The following NDFIP1 variants were observed in gnomAD, a reference collection of about 807,000 sequenced individuals.
NDFIP1 encodes NEDD4 family-interacting protein 1.
A neutral mutation model predicts 28.8 loss-of-function variants in NDFIP1; 7 were observed. The ratio of observed to expected loss-of-function variants is 0.24; its 90% CI spans 0.14 to 0.46. NDFIP1 has a LOEUF of 0.46. Among genes scored for constraint, NDFIP1 ranks in the 20% least tolerant of loss-of-function variants. The pLI is 0.99. For missense variants in NDFIP1, 194 were observed against 269.1 expected (o/e 0.72, Z 1.95); for synonymous variants, 92 against 101.0 (o/e 0.91, Z 0.53).
Position 142,135,730 on chromosome 5 carries a change from G to T in NDFIP1, c.283G>T (p.Asp95Tyr), listed in dbSNP as rs372933565. Residue 95 changes from aspartate to tyrosine, a missense_variant and splice_region_variant, in exon 4 of 8, where the codon GAT (aspartate) becomes TAT (tyrosine). Asp to Tyr is a radical substitution (Grantham distance 160). Coordinates refer to ENST00000253814, the MANE Select transcript of NDFIP1 (RefSeq NM_030571.4). ...AATAATTCTTTTTCTTTTCATTTAG[G>T]ATGAGGATTTTGTGGGTCGGGATGA... ...EATIPLVPGR[D>Y]EDFVGRDDFD... 6.2e-7 allele frequency: 1 copy of T among 1,612,374 alleles called. No homozygotes were observed. Among genetic ancestry groups the T allele is most frequent in the South Asian group, 1.1e-5 (1 of 90,962 alleles).
rs1419759512 is a variant in NDFIP1, at chr5:142,152,636, T to A, written c.*908T>A. ...ATGATCCCTAACATACTGTACTACT[T>A]GCTTTTACAATGTGTTAGCAGAAAC... On this transcript the variant is annotated 3_prime_UTR_variant, in exon 8 of 8. Coordinates refer to ENST00000253814, the MANE Select transcript of NDFIP1 (RefSeq NM_030571.4). 6.5e-6 allele frequency: 1 copy of A among 153,908 alleles called. No homozygotes were observed. Among genetic ancestry groups the A allele is most frequent in the Non-Finnish European group, 1.5e-5 (1 of 68,960 alleles). 9.5% of individuals were successfully genotyped at this position (153,908 alleles called of 1,614,324 possible).
intron 1 of NDFIP1, among the ~76,000 whole-genome samples, chr5:142,120,036 A>C (rs753594541): frequency 4.6e-5 from 7 of 152,268 alleles, no homozygotes; most frequent in Non-Finnish European, 1.0e-4. Context: ...GCTCACTGCA[A>C]TCTCTGCCTC....
intron 1 of NDFIP1, among the ~76,000 whole-genome samples, chr5:142,111,452 G>A (rs1008448894): frequency 1.3e-4 from 20 of 151,838 alleles, no homozygotes; most frequent in Non-Finnish European, 2.8e-4. Context: ...GTCTTCAACC[G>A]TTTCCTTAGC....
chr5:142,128,360 G>A (rs1453324548), intron 1 of NDFIP1, among the ~76,000 whole-genome samples: 1 of 152,140 alleles, frequency 6.6e-6, no homozygotes, highest in Non-Finnish European at 1.5e-5. Flanking sequence ...TCCCAGGGGT[G>A]GAAAAGGGGA....
intron 7 of NDFIP1, among the ~76,000 whole-genome samples, chr5:142,147,384 A>G (rs1757399688): frequency 6.6e-6 from 1 of 152,162 alleles, no homozygotes; most frequent in African/African-American, 2.4e-5. Flanking sequence ...TTGTTAGAAG[A>G]CATACTAGAA....
At chr5:142,145,295 C>T (rs1757375721) in intron 7 of NDFIP1, among the ~76,000 whole-genome samples, 1 of 152,120 alleles carries the variant, frequency 6.6e-6, no homozygotes. Context: ...CTAAGCCCTG[C>T]CAAGGCTCTT....
chr5:142,119,268 C>T (rs775109213), intron 1 of NDFIP1, among the ~76,000 whole-genome samples: 1 of 152,216 alleles, frequency 6.6e-6, no homozygotes, highest in Non-Finnish European at 1.5e-5. Context: ...CCATTTACAT[C>T]ATTCTTCAGT....
At chr5:142,142,320 T>C (rs1388997844) in intron 6 of NDFIP1, among the ~76,000 whole-genome samples, 1 of 152,138 alleles carries the variant, frequency 6.6e-6, no homozygotes, top group African/African-American at 2.4e-5. Context: ...TAATTTTTTT[T>C]CCTCTATTGA....
chr5:142,121,401 G>A (rs1233036252), intron 1 of NDFIP1, among the ~76,000 whole-genome samples: 2 of 151,980 alleles, frequency 1.3e-5, no homozygotes, highest in Non-Finnish European at 2.9e-5. Flanking sequence ...CATTTTTATT[G>A]TGAAATTATG....
intron 6 of NDFIP1, among the ~76,000 whole-genome samples, chr5:142,142,146 C>T (rs1482782201): frequency 6.6e-6 from 1 of 151,964 alleles, no homozygotes; most frequent in Admixed American, 6.6e-5. Flanking sequence ...AAAAACAAAA[C>T]AAAACAGTTC....
intron 1 of NDFIP1, among the ~76,000 whole-genome samples, chr5:142,118,284 A>G (rs566247116): frequency 6.6e-6 from 1 of 152,162 alleles, no homozygotes; most frequent in Non-Finnish European, 1.5e-5. Context: ...GTAATGTTAC[A>G]TTTAGTCGTC....
intron 3 of NDFIP1, among the ~76,000 whole-genome samples, chr5:142,132,716 G>A (rs756191129): frequency 1.4e-4 from 22 of 152,176 alleles, no homozygotes; most frequent in Non-Finnish European, 2.9e-4. Context: ...ATGCAAATTT[G>A]TAGAATTAAA....
At chr5:142,142,324 C>T (rs953391578) in intron 6 of NDFIP1, among the ~76,000 whole-genome samples, 2 of 151,862 alleles carry the variant, frequency 1.3e-5, no homozygotes, top group African/African-American at 4.8e-5. Flanking sequence ...TTTTTTTCCT[C>T]TATTGATTAT....
intron 1 of NDFIP1, among the ~76,000 whole-genome samples, chr5:142,122,683 A>G (rs778895087): frequency 1.3e-4 from 20 of 152,150 alleles, no homozygotes; most frequent in Admixed American, 5.9e-4. Context: ...TATTTTGGTC[A>G]TCATCTGTGG....
chr5:142,141,390 A>C (rs1028210388), intron 6 of NDFIP1, among the ~76,000 whole-genome samples: 5 of 151,534 alleles, frequency 3.3e-5, no homozygotes. Context: ...GTTGGCCAGG[A>C]TGGTCTCGAT....
At chr5:142,136,130 C>T (rs902421089) in intron 4 of NDFIP1, among the ~76,000 whole-genome samples, 2 of 152,168 alleles carry the variant, frequency 1.3e-5, no homozygotes, top group African/African-American at 4.8e-5. Context: ...CATACTTAAT[C>T]TGTAGAATAG....
chr5:142,145,475 G>GA (rs1188651637), intron 7 of NDFIP1, among the ~76,000 whole-genome samples: 10 of 152,118 alleles, frequency 6.6e-5, no homozygotes, highest in Admixed American at 4.6e-4. Context: ...GGGCTTTGGG[G>GA]ACTGTGTTAA....
chr5:142,126,315 A>G (rs1757169646), intron 1 of NDFIP1, among the ~76,000 whole-genome samples: 1 of 152,226 alleles, frequency 6.6e-6, no homozygotes, highest in Non-Finnish European at 1.5e-5. Context: ...TAACTCTAAG[A>G]TAGAAGTAGT....
At chr5:142,129,717 G>A (rs11743029) in intron 1 of NDFIP1, among the ~76,000 whole-genome samples, 39,649 of 151,678 alleles carry the variant, frequency 0.26, 5,529 homozygotes, top group South Asian at 0.42. Context: ...ACCTGAGGTC[G>A]GGAGTTTGAG....
Sources: allele counts gnomAD v4.1 joint callset (sites outside exome capture counted in the v4.1 genomes callset), GRCh38; gene constraint gnomAD v4.1.1; transcripts MANE v1.5; gene names NCBI Gene and HGNC (gene_info 2026-07-23, HGNC 2026-07-21).